HS3ST4: variants seen among roughly 807,000 people sequenced by gnomAD.
HS3ST4 encodes heparan sulfate glucosamine 3-O-sulfotransferase 4.
HS3ST4 carries 17 observed loss-of-function variants against 29.2 expected under a neutral mutation model. The ratio of observed to expected loss-of-function variants is 0.58; its 90% CI spans 0.40 to 0.87. The LOEUF (loss-of-function observed/expected upper bound fraction) is 0.87, where lower values mean the gene tolerates loss of function less well. HS3ST4 is among the 40% of genes least tolerant of loss of function. The pLI, the probability that HS3ST4 is intolerant of heterozygous loss-of-function variation, is 0.00. For synonymous variants in HS3ST4, 314 were observed against 285.7 expected (o/e 1.10, Z -1.00); for missense variants, 627 against 634.5 (o/e 0.99, Z 0.13).
chr16:25,870,830 A>G (rs1967743842), intron 1 of HS3ST4, among the ~76,000 whole-genome samples: 2 of 152,072 alleles, frequency 1.3e-5, no homozygotes, highest in African/African-American at 4.8e-5. Flanking sequence ...GTAGTGGTGT[A>G]GGTGGGAAGG....
At chr16:26,023,266 T>C (rs1489889731) in intron 1 of HS3ST4, among the ~76,000 whole-genome samples, 1 of 152,020 alleles carries the variant, frequency 6.6e-6, no homozygotes, top group African/African-American at 2.4e-5. Flanking sequence ...GGTATAAGTA[T>C]GGTGACTATA....
intron 1 of HS3ST4, among the ~76,000 whole-genome samples, chr16:25,834,354 T>C (rs1273587344): frequency 4.6e-5 from 7 of 152,226 alleles, no homozygotes; most frequent in African/African-American, 1.7e-4. Flanking sequence ...GAGTTTCAAG[T>C]TTCAGAATTA....
At chr16:26,108,368 C>T (rs1399930499) in intron 1 of HS3ST4, among the ~76,000 whole-genome samples, 6 of 152,164 alleles carry the variant, frequency 3.9e-5, no homozygotes, top group Middle Eastern at 3.2e-3. Flanking sequence ...GCTCACTTTT[C>T]AGAATTAGGA....
At chr16:26,123,069 C>T (rs539515075) in intron 1 of HS3ST4, among the ~76,000 whole-genome samples, 12 of 150,874 alleles carry the variant, frequency 8.0e-5, no homozygotes, top group Non-Finnish European at 1.8e-4. Flanking sequence ...AAAAAAAAAC[C>T]GGGGGCTTGA....
At chr16:25,700,039 G>A (rs1262186392) in intron 1 of HS3ST4, among the ~76,000 whole-genome samples, 2 of 152,024 alleles carry the variant, frequency 1.3e-5, no homozygotes. Flanking sequence ...TAAAGAGAAA[G>A]CTGTAATGTA....
intron 1 of HS3ST4, among the ~76,000 whole-genome samples, chr16:25,698,818 C>T (rs940497981): frequency 2.6e-5 from 4 of 152,112 alleles, no homozygotes; most frequent in African/African-American, 9.7e-5. Context: ...CCTTTTAAAC[C>T]GAAGGTCACA....
chr16:25,984,434 G>T (rs1170218545), intron 1 of HS3ST4, among the ~76,000 whole-genome samples: 1 of 152,150 alleles, frequency 6.6e-6, no homozygotes, highest in Non-Finnish European at 1.5e-5. Flanking sequence ...TGGAGCTCAG[G>T]GGATAATGCC....
rs535785032 is a variant in HS3ST4, at chr16:26,123,142, C to T, written c.735-12470C>T. The stretch of plus-strand genomic sequence containing the variant: ...CTGTTTGTACCTACTATGTGCACCA[C>T]AATGCTAGCAGTGATAACATGAGGG... On this transcript the variant is annotated intron_variant, in intron 1 of 1. Transcript: ENST00000331351. 1.1e-4 allele frequency among the ~76,000 whole-genome samples: 17 copies of T among 152,130 alleles called. No homozygotes were observed. In the South Asian group the frequency reaches 3.5e-3, roughly 32 times the overall value.
chr16:25,780,902 C>G (rs1966852011), intron 1 of HS3ST4, among the ~76,000 whole-genome samples: 1 of 152,048 alleles, frequency 6.6e-6, no homozygotes, highest in South Asian at 2.1e-4. Flanking sequence ...TCTGTTTTTG[C>G]TTTGGGTTGA....
At chr16:26,127,975 C>T (rs1248790562) in intron 1 of HS3ST4, among the ~76,000 whole-genome samples, 1 of 152,108 alleles carries the variant, frequency 6.6e-6, no homozygotes, top group East Asian at 1.9e-4. Flanking sequence ...GTGCATCTTC[C>T]AAGCCGAGCT....
intron 1 of HS3ST4, among the ~76,000 whole-genome samples, chr16:25,840,974 G>GTTTATTTA (rs201567916): frequency 8.7e-4 from 45 of 51,982 alleles, no homozygotes; most frequent in Non-Finnish European, 1.0e-3. Flanking sequence ...ATATTTGTTT[G>GTTTATTTA]TTTATTTATT....
chr16:25,766,711 G>A (rs1018459224), intron 1 of HS3ST4, among the ~76,000 whole-genome samples: 76 of 152,160 alleles, frequency 5.0e-4, no homozygotes, highest in Non-Finnish European at 4.0e-4. Context: ...ACTTCATAAA[G>A]CTTACATTTT....
chr16:25,718,959 T>C (rs905671703), intron 1 of HS3ST4, among the ~76,000 whole-genome samples: 4 of 152,008 alleles, frequency 2.6e-5, no homozygotes, highest in African/African-American at 9.7e-5. Context: ...AGGAGGACAA[T>C]AAGAAAGAAG....
chr16:25,764,630 T>A (rs992651839), intron 1 of HS3ST4, among the ~76,000 whole-genome samples: 3 of 152,254 alleles, frequency 2.0e-5, no homozygotes, highest in African/African-American at 7.2e-5. Flanking sequence ...CTACAGGACA[T>A]CTAGCTTTGA....
intron 1 of HS3ST4, among the ~76,000 whole-genome samples, chr16:25,790,387 C>A (rs1966866668): frequency 6.6e-6 from 1 of 152,148 alleles, no homozygotes; most frequent in Admixed American, 6.5e-5. Context: ...CCAGCCCGGG[C>A]AACAGAGTGA....
Position 25,966,128 on chromosome 16 carries a change from A to G in HS3ST4, c.735-169484A>G, listed in dbSNP as rs190095712. Among the ~76,000 whole-genome samples, 18 of 152,342 alleles carry G rather than the reference A, an allele frequency of 1.2e-4. No homozygotes were observed. In the East Asian group the frequency reaches 2.9e-3, roughly 24 times the overall value. On this transcript the variant is annotated intron_variant, in intron 1 of 1. Transcript: ENST00000331351. ...TTTCATAGGAATCCACTAAGATGGC[A>G]TGATCATTGCTTCTACTTCACAGGT...
chr16:25,716,474 GC>G (rs1222315176), intron 1 of HS3ST4, among the ~76,000 whole-genome samples: 1 of 152,226 alleles, frequency 6.6e-6, no homozygotes, highest in Non-Finnish European at 1.5e-5. Context: ...GATGGTTGAA[GC>G]TTGAACAGTC....
chr16:25,794,708 G>A lies in HS3ST4; in HGVS notation c.734+101557G>A, dbSNP rs1473148249. On this transcript the variant is annotated intron_variant, in intron 1 of 1. Transcript: ENST00000331351. ...TCATTTTCAGCAGTTTATCTATGAG[G>A]TATTTAGGTGTAATTGTTTTCTATG... Among the ~76,000 whole-genome samples the A allele has an allele frequency of 4.6e-5, 7 of 151,808 alleles. No homozygotes were observed. The East Asian group carries it at 1.3e-3, about 29-fold the overall frequency.
At chr16:25,768,044 G>A (rs1405038163) in intron 1 of HS3ST4, among the ~76,000 whole-genome samples, 1 of 152,150 alleles carries the variant, frequency 6.6e-6, no homozygotes, top group Non-Finnish European at 1.5e-5. Flanking sequence ...CATTTTACAG[G>A]GGGTGGCAGG....
Sources: gnomAD v4.1 joint callset for allele counts (sites outside exome capture counted in the v4.1 genomes callset) on GRCh38, gnomAD v4.1.1 for gene constraint, MANE v1.5 for transcripts, NCBI Gene and HGNC (gene_info 2026-07-23, HGNC 2026-07-21) for gene names.